The following ADARB2 variants were observed in gnomAD, a reference collection of about 807,000 sequenced individuals.
ADARB2 encodes inactive double-stranded RNA-specific editase B2.
In ADARB2, 25 loss-of-function variants were observed where a neutral mutation model predicts 62.2. The ratio of observed to expected loss-of-function variants is 0.40; its 90% confidence interval spans 0.29 to 0.56. ADARB2 has a LOEUF of 0.56. ADARB2 is among the 20% of genes least tolerant of loss of function. ADARB2 has a pLI of 0.43. For synonymous variants in ADARB2, 572 were observed against 500.8 expected, an observed-to-expected ratio of 1.14 and a Z score of -1.90; for missense variants, 1,071 against 1,077.4, an observed-to-expected ratio of 0.99 and a Z score of 0.08.
At chr10:1,631,065 G>A (rs1048854159) in intron 1 of ADARB2, among the ~76,000 whole-genome samples, 1 of 152,162 alleles carries the variant, frequency 6.6e-6, no homozygotes, top group Non-Finnish European at 1.5e-5. Flanking sequence ...GCCACCACCC[G>A]CGGTGAAGTG....
chr10:1,468,666 C>A (rs1447572890), intron 1 of ADARB2, among the ~76,000 whole-genome samples: 1 of 152,218 alleles, frequency 6.6e-6, no homozygotes, highest in Non-Finnish European at 1.5e-5. Flanking sequence ...CCCCAGCAAG[C>A]AGCAGCGCTG....
intron 1 of ADARB2, among the ~76,000 whole-genome samples, chr10:1,586,719 G>T (rs1027649737): frequency 6.6e-6 from 1 of 152,152 alleles, no homozygotes; most frequent in Non-Finnish European, 1.5e-5. Flanking sequence ...GATTCTCTGC[G>T]ATTATTTAAT....
At chr10:1,329,084 C>T (rs1489260667) in intron 3 of ADARB2, among the ~76,000 whole-genome samples, 1 of 150,396 alleles carries the variant, frequency 6.6e-6, no homozygotes, top group African/African-American at 2.4e-5. Context: ...ACACACTGCT[C>T]TGATTAAATA....
rs758104833 is a variant in ADARB2, at chr10:1,200,040, C to T, written c.1790G>A (p.Arg597His). 3.1e-6 allele frequency: 5 copies of T among 1,596,078 alleles called. No individual in the cohort carries two copies. The highest frequency in any genetic ancestry group is 4.3e-6 in the Non-Finnish European group (5 of 1,176,030). ...ACCCTCCATGCGGTGGCTCATGACG[C>T]GTGCGAGGTGGCCCGTGTGGTGCAG... ...GSLHHTGHLA[R>H]VMSHRMEGVG... The change falls in exon 8 of 10, where the codon CGC becomes CAC. Residue 597 changes from arginine to histidine, a missense_variant. Arg to His is a conservative substitution (Grantham distance 29, BLOSUM62 0). Coordinates refer to ENST00000381312, the MANE Select transcript of ADARB2 (RefSeq NM_018702.4).
chr10:1,378,661 A>T (rs1282002094), intron 2 of ADARB2, among the ~76,000 whole-genome samples: 1 of 151,370 alleles, frequency 6.6e-6, no homozygotes, highest in Admixed American at 6.6e-5. Context: ...AGGTGTGGGT[A>T]AGACTCCAGG....
intron 1 of ADARB2, among the ~76,000 whole-genome samples, chr10:1,694,545 A>G (rs1834713288): frequency 6.6e-6 from 1 of 152,176 alleles, no homozygotes; most frequent in African/African-American, 2.4e-5. Context: ...GTCTGAGTGA[A>G]GTGTGTGGGA....
intron 3 of ADARB2, among the ~76,000 whole-genome samples, chr10:1,359,696 C>T (rs561844260): frequency 1.4e-4 from 21 of 152,298 alleles, no homozygotes; most frequent in South Asian, 6.2e-4. Flanking sequence ...CGAGCTGTCC[C>T]GGCAGGACAG....
intron 1 of ADARB2, among the ~76,000 whole-genome samples, chr10:1,385,284 A>C (rs1226665180): frequency 6.6e-6 from 1 of 152,320 alleles, no homozygotes; most frequent in Non-Finnish European, 1.5e-5. Flanking sequence ...GGAGAATATG[A>C]CCAATCATCA....
At chr10:1,277,008 T>C (rs992862967) in intron 3 of ADARB2, among the ~76,000 whole-genome samples, 2 of 152,184 alleles carry the variant, frequency 1.3e-5, no homozygotes, top group Admixed American at 6.5e-5. Flanking sequence ...GAATGACTAC[T>C]GGGTACATAA....
At position 1,379,009 on chromosome 10, in the gene ADARB2, G is replaced by T. The variant is rs1172658184; in HGVS notation, c.187+65C>A. On this transcript the variant is annotated intron_variant, in intron 2 of 9. Transcript: ENST00000381312. ...CCAGGTATCTCAGGTTTTGGGGACTGCAGGGGACCCCTGCACAAAGGATAC... is the reference window on the plus strand; with the variant it reads ...CCAGGTATCTCAGGTTTTGGGGACTTCAGGGGACCCCTGCACAAAGGATAC... 7 of 1,443,506 alleles carry T rather than the reference G, an allele frequency of 4.8e-6. 1 individual carries two copies. In the South Asian group the frequency reaches 8.1e-5, roughly 17 times the overall value. The allele number at this position is 1,443,506 out of a possible 1,614,324, so 89.4% of individuals were successfully genotyped here.
intron 1 of ADARB2, among the ~76,000 whole-genome samples, chr10:1,661,510 G>A (rs894897650): frequency 6.6e-6 from 1 of 152,188 alleles, no homozygotes; most frequent in African/African-American, 2.4e-5. Context: ...CTTGGAAGTT[G>A]TCTGTCTGAA....
At chr10:1,305,521 A>G (rs931521572) in intron 3 of ADARB2, among the ~76,000 whole-genome samples, 1 of 152,174 alleles carries the variant, frequency 6.6e-6, no homozygotes, top group African/African-American at 2.4e-5. Context: ...CAATCAATAG[A>G]AAAAGAGAGA....
chr10:1,706,997 C>T (rs2119147493), intron 1 of ADARB2, among the ~76,000 whole-genome samples: 1 of 152,356 alleles, frequency 6.6e-6, no homozygotes, highest in Admixed American at 6.5e-5. Context: ...TCATGCGTTC[C>T]TCTCTTCAGG....
At chr10:1,475,186 G>A (rs1588271185) in intron 1 of ADARB2, among the ~76,000 whole-genome samples, 1 of 152,216 alleles carries the variant, frequency 6.6e-6, no homozygotes. Context: ...GGGGCAGGAG[G>A]GGCCTCTTCC....
chr10:1,663,651 G>T (rs948039075), intron 1 of ADARB2, among the ~76,000 whole-genome samples: 1 of 150,234 alleles, frequency 6.7e-6, no homozygotes, highest in African/African-American at 2.5e-5. Flanking sequence ...ACAGAGTCTC[G>T]CTCTGTCACC....
chr10:1,316,933 C>T (rs1434813699), intron 3 of ADARB2, among the ~76,000 whole-genome samples: 1 of 152,226 alleles, frequency 6.6e-6, no homozygotes, highest in East Asian at 1.9e-4. Flanking sequence ...TCTGTGCATG[C>T]TTGTATGCAA....
At position 1,568,974 on chromosome 10, in the gene ADARB2, C is replaced by T. The variant is rs531353506; in HGVS notation, c.100+168077G>A. Reference sequence around the variant, plus strand: ...CTGGAAGGATCTGAGACAGGAGATGCGCCCATTAGAAGGCGAGGCGAGATG... The same window carrying T: ...CTGGAAGGATCTGAGACAGGAGATGTGCCCATTAGAAGGCGAGGCGAGATG... On this transcript the variant is annotated intron_variant, in intron 1 of 9. Transcript: ENST00000381312. Among the ~76,000 whole-genome samples the T allele has an allele frequency of 2.2e-4, 34 of 152,072 alleles. 1 individual carries two copies. In the South Asian group the frequency reaches 5.6e-3, roughly 25 times the overall value.
At chr10:1,557,040 C>T (rs2131983052) in intron 1 of ADARB2, 2 of 359,950 alleles carry the variant, frequency 5.6e-6, no homozygotes, top group East Asian at 7.7e-5. Context: ...ATCACCAAAA[C>T]CTGTCCCTCC....
chr10:1,181,821 T>A lies in ADARB2; in HGVS notation c.*1372A>T, dbSNP rs1207262858. On this transcript the variant is annotated 3_prime_UTR_variant, in exon 10 of 10. Coordinates refer to ENST00000381312, the MANE Select transcript of ADARB2 (RefSeq NM_018702.4). ...ATGAGAGACTGGCTATCTAGCATGA[T>A]GAATGTTAGAAATGAGTTCTCGGAG... is the stretch of plus-strand genomic sequence containing the variant. 2 of 152,178 alleles carry A rather than the reference T, an allele frequency of 1.3e-5. No individual in the cohort carries two copies. The highest frequency in any genetic ancestry group is 2.9e-5 in the Non-Finnish European group (2 of 68,032). The allele number at this position is 152,178 out of a possible 1,614,324, so 9.4% of individuals were successfully genotyped here.
Sources: allele counts gnomAD v4.1 joint callset (sites outside exome capture counted in the v4.1 genomes callset), GRCh38; gene constraint gnomAD v4.1.1; transcripts MANE v1.5; gene names NCBI Gene and HGNC (gene_info 2026-07-23, HGNC 2026-07-21).